CAPSL: variants seen among roughly 807,000 people sequenced by gnomAD.
The protein encoded by CAPSL is calcyphosin-like protein.
CAPSL carries 17 observed loss-of-function variants against 21.3 expected under a neutral mutation model. The observed-to-expected ratio is 0.80, with a 90% CI of 0.55 to 1.20. CAPSL has a LOEUF of 1.20. CAPSL is among the 50% of genes most tolerant of loss of function. The probability of loss-of-function intolerance (pLI) is 0.00; values close to 1 mark genes in which losing one functional copy is unlikely to be tolerated. For synonymous variants in CAPSL, 102 were observed against 89.3 expected, an observed-to-expected ratio of 1.14 and a Z score of -0.80; for missense variants, 289 against 259.3, an observed-to-expected ratio of 1.11 and a Z score of -0.79.
intron 1 of CAPSL, among the ~76,000 whole-genome samples, chr5:35,927,113 G>A (rs1164937542): frequency 1.3e-5 from 2 of 152,180 alleles, no homozygotes; most frequent in African/African-American, 2.4e-5. Flanking sequence ...GTGCAGTCGC[G>A]ATGGCTGGAC....
intron 1 of CAPSL, among the ~76,000 whole-genome samples, chr5:35,925,584 C>T (rs1442814455): frequency 6.6e-6 from 1 of 151,948 alleles, no homozygotes; most frequent in African/African-American, 2.4e-5. Flanking sequence ...GGCGGGCAGC[C>T]ATCAGATCCC....
intron 4 of CAPSL, among the ~76,000 whole-genome samples, chr5:35,909,191 C>T (rs1314302585): frequency 6.6e-6 from 1 of 152,000 alleles, no homozygotes; most frequent in Non-Finnish European, 1.5e-5. Flanking sequence ...ATTCCTTACC[C>T]TACCAAGCTA....
chr5:35,935,119 A>G (rs529453357), intron 1 of CAPSL, among the ~76,000 whole-genome samples: 19 of 152,248 alleles, frequency 1.2e-4, no homozygotes, highest in African/African-American at 3.4e-4. Context: ...GTCAGTTTAT[A>G]AATCACTGAC....
intron 1 of CAPSL, among the ~76,000 whole-genome samples, chr5:35,929,279 C>CTT (rs10574026): frequency 7.6e-5 from 9 of 117,678 alleles, no homozygotes; most frequent in Admixed American, 9.2e-5. Context: ...AAAACAGTTC[C>CTT]TTTTTTTTTT....
intron 2 of CAPSL, among the ~76,000 whole-genome samples, chr5:35,917,350 G>A (rs1426070347): frequency 1.3e-5 from 2 of 152,132 alleles, no homozygotes; most frequent in Non-Finnish European, 2.9e-5. Context: ...ACTTGACCCA[G>A]CCATCCCATT....
chr5:35,934,391 G>T (rs776335432), intron 1 of CAPSL, among the ~76,000 whole-genome samples: 2 of 152,078 alleles, frequency 1.3e-5, no homozygotes, highest in African/African-American at 4.8e-5. Flanking sequence ...AACAGCAATC[G>T]TCACTGCTGA....
In CAPSL at chr5:35,905,103, G is replaced by T. The variant is rs150527322; in HGVS notation, c.526-457C>A. Among the ~76,000 whole-genome samples the T allele has an allele frequency of 5.7e-4, 86 of 152,210 alleles. 2 individuals are homozygous for T. In the South Asian group the frequency reaches 0.013, roughly 23 times the overall value. ...CTGTGGGTGAAGAAACAGATTTCTA[G>T]TTAAACGCTCCCGGGTTGCATGCTT... On this transcript the variant is annotated intron_variant, in intron 4 of 4. Transcript: ENST00000651391.
chr5:35,916,975 G>A (rs949617564), intron 2 of CAPSL, among the ~76,000 whole-genome samples: 2 of 152,054 alleles, frequency 1.3e-5, no homozygotes, highest in Non-Finnish European at 2.9e-5. Context: ...ATCTGACAAA[G>A]GGCTAATATC....
At chr5:35,934,873 C>A (rs962074719) in intron 1 of CAPSL, among the ~76,000 whole-genome samples, 1 of 152,126 alleles carries the variant, frequency 6.6e-6, no homozygotes, top group Non-Finnish European at 1.5e-5. Flanking sequence ...AATTTCCTGC[C>A]AAGACACTGA....
At chr5:35,919,418 A>G (rs1263249326) in intron 2 of CAPSL, among the ~76,000 whole-genome samples, 1 of 152,162 alleles carries the variant, frequency 6.6e-6, no homozygotes, top group African/African-American at 2.4e-5. Flanking sequence ...CAAGAATTTC[A>G]TGTCAAAAAA....
rs562764670 is a variant in CAPSL, at chr5:35,910,781, CA to C, written c.138-239del. Among the ~76,000 whole-genome samples, 143 of 152,014 alleles carry C rather than the reference CA, an allele frequency of 9.4e-4. No individual in the cohort carries two copies. In the South Asian group the frequency reaches 0.011, roughly 12 times the overall value. ...TCTGCAAAAGACAAAACTGTGGAGA[CA>C]GTAAAAAGATGAAAGGTAAAGGAAA... On this transcript the variant is annotated intron_variant, in intron 2 of 4. Coordinates refer to ENST00000651391, the MANE Select transcript of CAPSL (RefSeq NM_001042625.2).
intron 2 of CAPSL, among the ~76,000 whole-genome samples, chr5:35,916,315 T>A (rs1299252592): frequency 1.3e-5 from 2 of 151,880 alleles, no homozygotes; most frequent in Non-Finnish European, 2.9e-5. Flanking sequence ...TTCAATGCCA[T>A]CCCCATCAAG....
In CAPSL at chr5:35,921,037, T is replaced by C; in HGVS notation, c.84A>G (p.Arg28=). The C allele has an allele frequency of 6.2e-7, 1 of 1,613,900 alleles. No individual in the cohort carries two copies. Among genetic ancestry groups the C allele is most frequent in the Non-Finnish European group, 8.5e-7 (1 of 1,179,988 alleles). ...KLTTATDPIE[R]LRLQCLARGS... Reference sequence around the variant, plus strand: ...CCCTGGCCAGGCACTGCAGTCGGAGTCTTTCAATGGGGTCGGTGGCCGTGG... The same window carrying C: ...CCCTGGCCAGGCACTGCAGTCGGAGCCTTTCAATGGGGTCGGTGGCCGTGG... The change falls in exon 2 of 5, where the codon AGA becomes AGG. Residue 28 remains arginine, a synonymous_variant. Transcript: ENST00000651391.
At chr5:35,921,621 A>G (rs187692453) in intron 1 of CAPSL, among the ~76,000 whole-genome samples, 8 of 152,294 alleles carry the variant, frequency 5.3e-5, no homozygotes, top group African/African-American at 1.4e-4. Flanking sequence ...TTCACAGGTT[A>G]GTATCCACTA....
At chr5:35,932,628 C>T (rs1433389800) in intron 1 of CAPSL, among the ~76,000 whole-genome samples, 2 of 152,172 alleles carry the variant, frequency 1.3e-5, no homozygotes, top group South Asian at 2.1e-4. Context: ...TGAGTAGGCA[C>T]CTTACAGTTT....
chr5:35,923,825 C>CACA (rs1738599828), intron 1 of CAPSL, among the ~76,000 whole-genome samples: 1 of 152,106 alleles, frequency 6.6e-6, no homozygotes, highest in African/African-American at 2.4e-5. Context: ...TGGAACTTGA[C>CACA]ATAGACGGTG....
intron 4 of CAPSL, among the ~76,000 whole-genome samples, chr5:35,908,598 G>A (rs1167878592): frequency 2.0e-5 from 3 of 152,184 alleles, no homozygotes; most frequent in Non-Finnish European, 4.4e-5. Flanking sequence ...CTAATTTGGG[G>A]AAATGGCAGT....
At chr5:35,904,969 C>T (rs905320506) in intron 4 of CAPSL, among the ~76,000 whole-genome samples, 2 of 152,158 alleles carry the variant, frequency 1.3e-5, no homozygotes, top group African/African-American at 4.8e-5. Context: ...GAAGGAAGTG[C>T]TCTGCAACTG....
chr5:35,904,473 T>C lies in CAPSL; in HGVS notation c.*72A>G. On this transcript the variant is annotated 3_prime_UTR_variant, in exon 5 of 5. Coordinates refer to ENST00000651391, the MANE Select transcript of CAPSL (RefSeq NM_001042625.2). ...ATGAGTGTGAAATCAAATACGATTC[T>C]GGTTTTTGAGCTGACATTTAGTCAT... is the stretch of plus-strand genomic sequence containing the variant. 1 of 1,102,894 alleles carries C rather than the reference T, an allele frequency of 9.1e-7. No homozygotes were observed. Among genetic ancestry groups the C allele is most frequent in the Non-Finnish European group, 1.4e-6 (1 of 736,306 alleles). 68.3% of individuals were successfully genotyped at this position (1,102,894 alleles called of 1,614,324 possible). A position where few individuals can be genotyped will look rare whatever the true frequency, so the allele number is the denominator to read the frequency against.
Sources: allele counts gnomAD v4.1 joint callset (sites outside exome capture counted in the v4.1 genomes callset), GRCh38; gene constraint gnomAD v4.1.1; transcripts MANE v1.5; gene names NCBI Gene and HGNC (gene_info 2026-07-23, HGNC 2026-07-21).